The following PITPNC1 variants were observed in gnomAD, a reference collection of about 807,000 sequenced individuals.
The protein encoded by PITPNC1 is phosphatidylinositol transfer protein cytoplasmic 1, also known as cytoplasmic phosphatidylinositol transfer protein 1.
In PITPNC1, 18 loss-of-function variants were observed where a neutral mutation model predicts 44.7. That is an observed-to-expected ratio of 0.40 (90% CI 0.28 to 0.60). PITPNC1 has a LOEUF of 0.60. Ranked by LOEUF, PITPNC1 falls within the 20% of genes least tolerant of loss-of-function variation. The pLI is 0.39. For missense variants in PITPNC1, 290 were observed against 418.4 expected (o/e 0.69, Z 2.68); for synonymous variants, 141 against 149.6 (o/e 0.94, Z 0.42).
chr17:67,578,428 T>C (rs553549231), intron 5 of PITPNC1, among the ~76,000 whole-genome samples, 171 bp downstream of exon 5: 74 of 152,306 alleles, frequency 4.9e-4, no homozygotes, highest in Middle Eastern at 3.4e-3. Flanking sequence ...TTCCCTGGAA[T>C]TCTTTTGTTG....
chr17:67,404,244 G>A (rs1378689418), intron 1 of PITPNC1, among the ~76,000 whole-genome samples: 5 of 152,172 alleles, frequency 3.3e-5, no homozygotes, highest in Non-Finnish European at 5.9e-5. Flanking sequence ...TTAAGAATAT[G>A]AACATTCTCA....
At chr17:67,579,635 T>TC (rs1304038848) in intron 5 of PITPNC1, among the ~76,000 whole-genome samples, 1 of 146,708 alleles carries the variant, frequency 6.8e-6, no homozygotes, top group African/African-American at 2.5e-5. Context: ...TTTTTTTTTT[T>TC]TTTTTTTCTG....
intron 1 of PITPNC1, among the ~76,000 whole-genome samples, chr17:67,400,449 G>A (rs1209002427): frequency 6.6e-6 from 1 of 152,198 alleles, no homozygotes; most frequent in Non-Finnish European, 1.5e-5. Context: ...ACTATTTTGC[G>A]AAGAAGTCTG....
intron 1 of PITPNC1, among the ~76,000 whole-genome samples, chr17:67,435,239 G>C (rs368756583): frequency 6.6e-6 from 1 of 151,880 alleles, no homozygotes; most frequent in South Asian, 2.1e-4. Context: ...AATTATAATA[G>C]TACTTACCTC....
chr17:67,680,593 T>G (rs2144433176), intron 8 of PITPNC1, among the ~76,000 whole-genome samples: 1 of 116,262 alleles, frequency 8.6e-6, no homozygotes, highest in Non-Finnish European at 1.9e-5. Flanking sequence ...AGAGTGAAAC[T>G]CTGTCTCAAA....
At chr17:67,518,905 G>A (rs1356947924) in intron 1 of PITPNC1, among the ~76,000 whole-genome samples, 1 of 152,140 alleles carries the variant, frequency 6.6e-6, no homozygotes, top group Non-Finnish European at 1.5e-5. Context: ...TCACACCACT[G>A]CACTGTAGCC....
At chr17:67,640,685 GAAAAAAAAAAA>G (rs71139165) in intron 6 of PITPNC1, among the ~76,000 whole-genome samples, 2 of 100,218 alleles carry the variant, frequency 2.0e-5, no homozygotes, top group East Asian at 8.6e-4. Context: ...TGTTGAAAAA[GAAAAAAAAAAA>G]AAAAAAAAAG....
At chr17:67,638,060 G>A (rs1403745620) in intron 6 of PITPNC1, 2 of 152,172 alleles carry the variant, frequency 1.3e-5, no homozygotes. Flanking sequence ...AGGTTGGACT[G>A]GTTATGTGGC....
Position 67,495,529 on chromosome 17 carries a change from C to T in PITPNC1, c.49-37273C>T, listed in dbSNP as rs527420680. On this transcript the variant is annotated intron_variant, in intron 1 of 8. Coordinates refer to ENST00000581322, the MANE Select transcript of PITPNC1 (RefSeq NM_012417.4). ...GATACGTTTTCTGATCCTCTCCTTC[C>T]TCCCACTCTCCACCATCAAGCAGGC... Among the ~76,000 whole-genome samples the T allele has an allele frequency of 5.0e-4, 76 of 152,248 alleles. 1 individual carries two copies. The South Asian group carries it at 0.015, about 30-fold the overall frequency.
intron 2 of PITPNC1, among the ~76,000 whole-genome samples, chr17:67,541,686 C>G (rs529624099): frequency 6.6e-6 from 1 of 152,242 alleles, no homozygotes; most frequent in South Asian, 2.1e-4. Flanking sequence ...CAAACTATAT[C>G]TAGAAACTCA....
Position 67,696,836 on chromosome 17 carries a change from G to A in PITPNC1, c.*3948G>A, listed in dbSNP as rs1296137421. On this transcript the variant is annotated 3_prime_UTR_variant, in exon 9 of 9. Transcript: ENST00000581322. ...TGCCATTAATAATTGTAATTTTGTT[G>A]TTAAATTAACAAGGACTTTAGGATA... The A allele has an allele frequency of 6.6e-6, 1 of 150,644 alleles. No homozygotes were observed. Among genetic ancestry groups the A allele is most frequent in the Admixed American group, 6.7e-5 (1 of 14,952 alleles). The allele number at this position is 150,644 out of a possible 1,614,324, so 9.3% of individuals were successfully genotyped here. A position where few individuals can be genotyped will look rare whatever the true frequency, so the allele number is the denominator to read the frequency against.
At chr17:67,453,191 A>AT (rs1365839387) in intron 1 of PITPNC1, among the ~76,000 whole-genome samples, 29 of 152,266 alleles carry the variant, frequency 1.9e-4, no homozygotes, top group African/African-American at 7.0e-4. Context: ...GGAGTGGCCA[A>AT]TTTTCAAATA....
Position 67,532,824 on chromosome 17 carries a change from T to A in PITPNC1, c.71T>A (p.Met24Lys). 6.4e-7 allele frequency: 1 copy of A among 1,574,190 alleles called. No individual in the cohort carries two copies. Among genetic ancestry groups the A allele is most frequent in the Non-Finnish European group, 8.6e-7 (1 of 1,159,938 alleles). Residue 24 changes from methionine to lysine, a missense_variant, in exon 2 of 9, where the codon ATG becomes AAG. Coordinates refer to ENST00000581322, the MANE Select transcript of PITPNC1 (RefSeq NM_012417.4). Reference protein sequence around the residue: ...VDEYKIGQLYMISKHSHEQSD... With the variant: ...VDEYKIGQLYKISKHSHEQSD... The stretch of plus-strand genomic sequence containing the variant: ...TAGTACAAAATTGGACAGCTGTACA[T>A]GATCAGCAAACACAGCCATGAACAG...
chr17:67,681,143 G>A lies in PITPNC1; in HGVS notation c.682+5601G>A, dbSNP rs141788586. On this transcript the variant is annotated intron_variant, in intron 8 of 8. Coordinates refer to ENST00000581322, the MANE Select transcript of PITPNC1 (RefSeq NM_012417.4). ...ATGTGTGTTCAACTGACTTCTAAAG[G>A]CCTTTCAAACATATGATCTTGCCTC... Among the ~76,000 whole-genome samples the A allele has an allele frequency of 2.6e-5, 4 of 152,220 alleles. No homozygotes were observed. In the East Asian group the frequency reaches 7.7e-4, roughly 29 times the overall value.
chr17:67,554,405 GCAC>G (rs2040808266), intron 4 of PITPNC1, among the ~76,000 whole-genome samples: 1 of 151,954 alleles, frequency 6.6e-6, no homozygotes, highest in Non-Finnish European at 1.5e-5. Context: ...TTACAGGTGT[GCAC>G]CACCACGCCC....
At chr17:67,386,050 G>C (rs1282631623) in intron 1 of PITPNC1, among the ~76,000 whole-genome samples, 2 of 152,186 alleles carry the variant, frequency 1.3e-5, no homozygotes, top group Admixed American at 1.3e-4. Flanking sequence ...TAAGGCTCTT[G>C]AAAGTCAATT....
chr17:67,533,954 G>C (rs1366617189), intron 2 of PITPNC1, among the ~76,000 whole-genome samples: 1 of 151,774 alleles, frequency 6.6e-6, no homozygotes, highest in Admixed American at 6.6e-5. Flanking sequence ...GAGTGTAATG[G>C]CATGATCTCT....
chr17:67,392,174 G>A (rs1248479905), intron 1 of PITPNC1, among the ~76,000 whole-genome samples: 1 of 152,192 alleles, frequency 6.6e-6, no homozygotes, highest in African/African-American at 2.4e-5. Context: ...ATACCATCAT[G>A]TCTTTGGCAC....
At chr17:67,481,412 A>T (rs931349944) in intron 1 of PITPNC1, among the ~76,000 whole-genome samples, 2 of 152,246 alleles carry the variant, frequency 1.3e-5, no homozygotes, top group African/African-American at 4.8e-5. Flanking sequence ...CCTTACAGGC[A>T]TTTATGTGAC....
Sources: allele counts gnomAD v4.1 joint callset (sites outside exome capture counted in the v4.1 genomes callset), GRCh38; gene constraint gnomAD v4.1.1; transcripts MANE v1.5; gene names NCBI Gene and HGNC (gene_info 2026-07-23, HGNC 2026-07-21).